Variants in CCDC30 observed in about 807,000 individuals in gnomAD.
CCDC30 encodes coiled-coil domain-containing protein 30.
CCDC30 carries 70 observed loss-of-function variants against 100.2 expected under a neutral mutation model. The observed-to-expected ratio is 0.70, with a 90% CI of 0.58 to 0.85. The LOEUF is 0.85. Among genes scored for constraint, CCDC30 ranks in the 40% least tolerant of loss-of-function variants. The probability of loss-of-function intolerance (pLI) is 0.00; values close to 1 mark genes in which losing one functional copy is unlikely to be tolerated. For missense variants in CCDC30, 652 were observed against 771.2 expected (o/e 0.85, Z 1.83); for synonymous variants, 233 against 269.5 (o/e 0.86, Z 1.33).
rs370118861 is a variant in CCDC30, at chr1:42,642,246, AATAT to A, written c.1420-212_1420-209del. 4.7e-5 allele frequency among the ~76,000 whole-genome samples: 7 copies of A among 148,500 alleles called. No homozygotes were observed. In the South Asian group the frequency reaches 8.4e-4, roughly 18 times the overall value. The stretch of plus-strand genomic sequence containing the variant: ...TCTTAAACAAACAAACAAACAAAAA[AATAT>A]ATATATATATATATGACATGACATA... On this transcript the variant is annotated intron_variant, in intron 12 of 16. Coordinates refer to ENST00000668663, the Ensembl canonical transcript of CCDC30.
intron 4 of CCDC30, among the ~76,000 whole-genome samples, chr1:42,495,442 C>A (rs1314838567): frequency 6.6e-6 from 1 of 150,974 alleles, no homozygotes; most frequent in Non-Finnish European, 1.5e-5. Flanking sequence ...ACCAGCATGT[C>A]ACATGTATAC....
chr1:42,532,456 CTGT>C (rs1644820263), intron 6 of CCDC30, among the ~76,000 whole-genome samples: 1 of 152,192 alleles, frequency 6.6e-6, no homozygotes, highest in Non-Finnish European at 1.5e-5. Flanking sequence ...CATCTTAGTG[CTGT>C]TATTACACGT....
chr1:42,625,385 T>C (rs1646914046), intron 11 of CCDC30, among the ~76,000 whole-genome samples: 1 of 152,156 alleles, frequency 6.6e-6, no homozygotes, highest in Non-Finnish European at 1.5e-5. Flanking sequence ...TCTGCTCTGA[T>C]CTTTATGATT....
chr1:42,506,243 A>G (rs181186872), intron 6 of CCDC30, among the ~76,000 whole-genome samples: 2 of 152,358 alleles, frequency 1.3e-5, no homozygotes, highest in East Asian at 3.9e-4. Context: ...TAGTTCATGC[A>G]GTTATCTCCT....
intron 6 of CCDC30, among the ~76,000 whole-genome samples, chr1:42,540,316 TAGAGCA>T (rs1476405093): frequency 6.6e-6 from 1 of 152,174 alleles, no homozygotes; most frequent in Non-Finnish European, 1.5e-5. Flanking sequence ...AGTAGCTATG[TAGAGCA>T]TAATATACAA....
At chr1:42,574,402 GTCT>G (rs1645792363) in intron 7 of CCDC30, among the ~76,000 whole-genome samples, 1 of 149,836 alleles carries the variant, frequency 6.7e-6, no homozygotes, top group Admixed American at 6.6e-5. Context: ...TATTAATCTT[GTCT>G]TCTTTTTAAA....
chr1:42,622,449 T>C (rs961505562), intron 11 of CCDC30, among the ~76,000 whole-genome samples: 1 of 152,332 alleles, frequency 6.6e-6, no homozygotes, highest in Middle Eastern at 3.4e-3. Context: ...TTTGGATATA[T>C]ACTCAGCAGC....
chr1:42,601,526 C>T (rs1023750152), intron 10 of CCDC30, among the ~76,000 whole-genome samples: 2 of 152,196 alleles, frequency 1.3e-5, no homozygotes, highest in Non-Finnish European at 2.9e-5. Context: ...ATAGCCAGGG[C>T]ATCCCATTTT....
intron 7 of CCDC30, among the ~76,000 whole-genome samples, chr1:42,573,096 G>A (rs905679875): frequency 3.9e-5 from 6 of 152,038 alleles, no homozygotes; most frequent in Non-Finnish European, 5.9e-5. Flanking sequence ...GGCCTTTGGG[G>A]TTCCTATATA....
At chr1:42,456,261 G>A in the CCDC30 span, 1 of 600,504 alleles carries the variant, frequency 1.7e-6, no homozygotes, top group Non-Finnish European at 3.0e-6. Context: ...AGAAAGGCCC[G>A]TACAGTGGCC....
At chr1:42,571,777 T>C (rs1162363580) in intron 7 of CCDC30, among the ~76,000 whole-genome samples, 1 of 152,214 alleles carries the variant, frequency 6.6e-6, no homozygotes, top group Non-Finnish European at 1.5e-5. Context: ...TTTTTGGAAA[T>C]GGCATTTCTG....
chr1:42,608,273 G>C (rs912274608), intron 10 of CCDC30, among the ~76,000 whole-genome samples: 3 of 152,236 alleles, frequency 2.0e-5, no homozygotes, highest in Admixed American at 2.0e-4. Context: ...CCCCGATAGA[G>C]AGAGAAGTCT....
exon 17 of CCDC30, chr1:42,653,954 G>T (rs781326645): frequency 6.2e-7 from 1 of 1,613,996 alleles, no homozygotes; most frequent in South Asian, 1.1e-5. Context: ...GAATTCTGAG[G>T]CTGGATACAT....
intron 6 of CCDC30, among the ~76,000 whole-genome samples, chr1:42,534,230 G>T (rs946661194): frequency 1.3e-5 from 2 of 151,220 alleles, no homozygotes; most frequent in African/African-American, 2.4e-5. Flanking sequence ...GAGGGGGGGG[G>T]TTCATATTTA....
intron 10 of CCDC30, among the ~76,000 whole-genome samples, chr1:42,601,199 A>C (rs1382597590): frequency 6.6e-6 from 1 of 152,276 alleles, no homozygotes; most frequent in Non-Finnish European, 1.5e-5. Flanking sequence ...AATATTTTGA[A>C]CTAAATGAAA....
At chr1:42,517,142 G>C (rs370782127) in intron 6 of CCDC30, among the ~76,000 whole-genome samples, 1 of 152,230 alleles carries the variant, frequency 6.6e-6, no homozygotes. Context: ...GGAGTGCAAT[G>C]GTAAGATCAT....
intron 11 of CCDC30, among the ~76,000 whole-genome samples, chr1:42,629,159 G>A (rs1016144506): frequency 2.6e-5 from 4 of 152,138 alleles, no homozygotes; most frequent in African/African-American, 7.2e-5. Context: ...AGTCATTAAC[G>A]TCCTTTGCTT....
chr1:42,567,961 A>G (rs1285120304), intron 7 of CCDC30, among the ~76,000 whole-genome samples: 2 of 151,942 alleles, frequency 1.3e-5, no homozygotes, highest in Admixed American at 1.3e-4. Context: ...AGAGAGAGAG[A>G]ATTTTTTTTG....
intron 11 of CCDC30, among the ~76,000 whole-genome samples, chr1:42,613,734 G>C (rs879474990): frequency 6.6e-6 from 1 of 152,138 alleles, no homozygotes; most frequent in South Asian, 2.1e-4. Context: ...GGGGAGTGAG[G>C]ACGACCAGAG....
Sources: allele counts gnomAD v4.1 joint callset (sites outside exome capture counted in the v4.1 genomes callset), GRCh38; gene constraint gnomAD v4.1.1; transcripts MANE v1.5; gene names NCBI Gene and HGNC (gene_info 2026-07-23, HGNC 2026-07-21).